Variants in NLGN1 observed in about 807,000 individuals in gnomAD.
The protein encoded by NLGN1 is neuroligin 1, also known as neuroligin-1.
Under a neutral mutation model 65.5 loss-of-function variants are expected in NLGN1, and 12 were observed. The observed-to-expected ratio is 0.18, with a 90% CI of 0.12 to 0.30. The LOEUF (loss-of-function observed/expected upper bound fraction) is 0.30. Ranked by LOEUF, NLGN1 falls within the 10% of genes least tolerant of loss-of-function variation. NLGN1 has a pLI of 1.00. For synonymous variants in NLGN1, 350 were observed against 359.5 expected, an observed-to-expected ratio of 0.97 and a Z score of 0.30; for missense variants, 750 against 1,007.1, an observed-to-expected ratio of 0.74 and a Z score of 3.46.
intron 2 of NLGN1, among the ~76,000 whole-genome samples, chr3:173,487,339 G>A (rs1403486386): frequency 1.3e-5 from 2 of 151,442 alleles, no homozygotes; most frequent in African/African-American, 2.4e-5. Flanking sequence ...TACTTTTGTT[G>A]CAGTGTGGTT....
chr3:174,027,355 A>G (rs888503863), intron 4 of NLGN1, among the ~76,000 whole-genome samples: 1 of 152,074 alleles, frequency 6.6e-6, no homozygotes, highest in African/African-American at 2.4e-5. Flanking sequence ...CTTCTTCCTA[A>G]TATAGCTATT....
At chr3:173,786,875 G>T (rs146496591) in intron 3 of NLGN1, among the ~76,000 whole-genome samples, 1 of 152,188 alleles carries the variant, frequency 6.6e-6, no homozygotes, top group East Asian at 1.9e-4. Flanking sequence ...TCTGGAGTTA[G>T]AGACCACCTG....
chr3:173,648,393 G>A (rs1560104135), intron 3 of NLGN1, among the ~76,000 whole-genome samples: 1 of 152,172 alleles, frequency 6.6e-6, no homozygotes, highest in Non-Finnish European at 1.5e-5. Context: ...AGCACATGCT[G>A]TGAAATGCAA....
intron 4 of NLGN1, among the ~76,000 whole-genome samples, chr3:174,031,451 A>C (rs1302124466): frequency 2.6e-5 from 4 of 152,198 alleles, no homozygotes; most frequent in African/African-American, 9.7e-5. Flanking sequence ...TATTTGAGAT[A>C]AAGGTTTGTG....
At chr3:173,477,218 T>A (rs1379124774) in intron 2 of NLGN1, among the ~76,000 whole-genome samples, 1 of 151,898 alleles carries the variant, frequency 6.6e-6, no homozygotes, top group African/African-American at 2.4e-5. Flanking sequence ...AGGTGGAAGG[T>A]GAAGCCATGA....
At chr3:173,469,189 T>C (rs1724896696) in intron 2 of NLGN1, among the ~76,000 whole-genome samples, 1 of 152,116 alleles carries the variant, frequency 6.6e-6, no homozygotes, top group African/African-American at 2.4e-5. Flanking sequence ...ACTGGTAAAA[T>C]GAATTTTTTC....
intron 4 of NLGN1, among the ~76,000 whole-genome samples, chr3:173,943,833 G>A (rs989703401): frequency 6.6e-6 from 1 of 152,292 alleles, no homozygotes; most frequent in African/African-American, 2.4e-5. Flanking sequence ...ACTTCAGAAA[G>A]CAACGTTGTA....
chr3:174,040,445 A>G (rs940034376), intron 4 of NLGN1, among the ~76,000 whole-genome samples: 6 of 152,188 alleles, frequency 3.9e-5, no homozygotes, highest in African/African-American at 1.4e-4. Context: ...AGGGGAATGT[A>G]GGCAAAATAA....
chr3:173,643,612 A>G (rs909750879), intron 3 of NLGN1, among the ~76,000 whole-genome samples: 5 of 152,318 alleles, frequency 3.3e-5, no homozygotes, highest in African/African-American at 1.2e-4. Context: ...CTCATTCCTC[A>G]TTCACTCGAT....
intron 4 of NLGN1, among the ~76,000 whole-genome samples, chr3:173,987,844 C>A (rs1720277063): frequency 6.6e-6 from 1 of 152,108 alleles, no homozygotes; most frequent in Non-Finnish European, 1.5e-5. Context: ...CTTCTGAATT[C>A]TCACTTGTAT....
intron 4 of NLGN1, among the ~76,000 whole-genome samples, chr3:173,829,936 C>T (rs960685511): frequency 2.0e-5 from 3 of 148,900 alleles, no homozygotes; most frequent in African/African-American, 5.0e-5. Context: ...TTGATCCAAA[C>T]GTGCCCTGTT....
intron 4 of NLGN1, among the ~76,000 whole-genome samples, chr3:174,188,680 A>G (rs1312035093): frequency 6.6e-6 from 1 of 152,042 alleles, no homozygotes; most frequent in East Asian, 1.9e-4. Context: ...AACAGAGACT[A>G]TTTATAAACT....
intron 4 of NLGN1, among the ~76,000 whole-genome samples, chr3:174,145,126 GC>G (rs1337163619): frequency 1.3e-5 from 2 of 152,078 alleles, no homozygotes; most frequent in Non-Finnish European, 2.9e-5. Flanking sequence ...CATATGGCTA[GC>G]CAGTTTTCCC....
intron 4 of NLGN1, among the ~76,000 whole-genome samples, chr3:174,260,639 T>A (rs1441491102): frequency 1.5e-5 from 2 of 135,522 alleles, no homozygotes; most frequent in African/African-American, 5.6e-5. Context: ...GTAGGTTGCC[T>A]GTTCACTCTG....
chr3:173,964,000 A>G (rs1472402048), intron 4 of NLGN1, among the ~76,000 whole-genome samples: 1 of 152,226 alleles, frequency 6.6e-6, no homozygotes, highest in Non-Finnish European at 1.5e-5. Context: ...ATCTCTGCAC[A>G]GGAGTGAATG....
At chr3:173,673,651 A>G (rs1350153527) in intron 3 of NLGN1, among the ~76,000 whole-genome samples, 2 of 152,180 alleles carry the variant, frequency 1.3e-5, no homozygotes, top group African/African-American at 4.8e-5. Flanking sequence ...GGCATAGAGA[A>G]GATAAATATC....
rs1324023701 is a variant in NLGN1, at chr3:174,188,695, C to T, written c.647-86620C>T. ...AACAGAGACTATTTATAAACTCACC[C>T]TTTTTTTCCAGGTATTAGACCTTTA... On this transcript the variant is annotated intron_variant, in intron 4 of 6. Coordinates refer to ENST00000457714, the Ensembl canonical transcript of NLGN1. Among the ~76,000 whole-genome samples the T allele has an allele frequency of 2.6e-5, 4 of 151,892 alleles. No individual in the cohort carries two copies. The East Asian group carries it at 5.8e-4, about 22-fold the overall frequency.
intron 4 of NLGN1, among the ~76,000 whole-genome samples, chr3:174,237,924 C>T (rs1366396007): frequency 2.6e-5 from 4 of 152,160 alleles, no homozygotes; most frequent in African/African-American, 9.7e-5. Flanking sequence ...TTTCTATTGC[C>T]TCCAGATATT....
intron 4 of NLGN1, among the ~76,000 whole-genome samples, chr3:174,170,445 C>G (rs575136821): frequency 1.3e-5 from 2 of 152,132 alleles, no homozygotes; most frequent in African/African-American, 4.8e-5. Context: ...TCCCTGGCTC[C>G]GTGATGGATT....
Sources: allele counts gnomAD v4.1 joint callset (sites outside exome capture counted in the v4.1 genomes callset), GRCh38; gene constraint gnomAD v4.1.1; transcripts MANE v1.5; gene names NCBI Gene and HGNC (gene_info 2026-07-23, HGNC 2026-07-21).